The following SLC19A1 variants were observed in gnomAD, a reference collection of about 807,000 sequenced individuals.
SLC19A1 encodes reduced folate transporter.
Under a neutral mutation model 35.3 loss-of-function variants are expected in SLC19A1, and 37 were observed. The observed-to-expected ratio is 1.05, with a 90% CI of 0.81 to 1.38. The LOEUF (loss-of-function observed/expected upper bound fraction) is 1.38, where lower values mean the gene tolerates loss of function less well. Among genes scored for constraint, SLC19A1 ranks in the 40% most tolerant of loss-of-function variants. The pLI is 0.00. For synonymous variants in SLC19A1, 460 were observed against 398.5 expected, an observed-to-expected ratio of 1.15 and a Z score of -1.84; for missense variants, 831 against 826.9, an observed-to-expected ratio of 1.00 and a Z score of -0.06.
rs1474812655 is a variant in SLC19A1 at position 45,513,166 on chromosome 21, T to TG, written c.*2491dup. ...TGGGAGATTCAAGGGACCCATGAGT[T>TG]GGGGTCTGGCAGCCTCCCATCCAGG... On this transcript the variant is annotated 3_prime_UTR_variant, in exon 6 of 6. Coordinates refer to ENST00000311124, the MANE Select transcript of SLC19A1 (RefSeq NM_194255.4). 6.6e-6 allele frequency: 1 copy of TG among 152,320 alleles called. No individual in the cohort carries two copies. 9.4% of individuals were successfully genotyped at this position (152,320 alleles called of 1,614,324 possible). A position where few individuals can be genotyped will look rare whatever the true frequency, so the allele number is the denominator to read the frequency against.
At chr21:45,550,492 C>T (rs1450079533) in intron 1 of SLC19A1, among the ~76,000 whole-genome samples, 5 of 152,318 alleles carry the variant, frequency 3.3e-5, no homozygotes, top group South Asian at 4.1e-4. Flanking sequence ...CTTGACTACA[C>T]GGTCTTATTA....
At chr21:45,555,007 G>T (rs199580518) in intron 1 of SLC19A1, among the ~76,000 whole-genome samples, 391 of 151,116 alleles carry the variant, frequency 2.6e-3, no homozygotes, top group Non-Finnish European at 4.9e-3. Flanking sequence ...GCACGTCCAG[G>T]TTATGCGTGG....
In SLC19A1 at chr21:45,515,017, G is replaced by C; in HGVS notation, c.*641C>G. On this transcript the variant is annotated 3_prime_UTR_variant, in exon 6 of 6. Transcript: ENST00000311124. Reference sequence around the variant, plus strand: ...TCAGAAGGACAGACAGGACCATGGAGGGCTGCCCTTAGGGTGGGAGAGAGG... The same window carrying C: ...TCAGAAGGACAGACAGGACCATGGACGGCTGCCCTTAGGGTGGGAGAGAGG... The C allele has an allele frequency of 2.6e-6, 4 of 1,535,140 alleles. No homozygotes were observed. Among genetic ancestry groups the C allele is most frequent in the Non-Finnish European group, 3.5e-6 (4 of 1,142,646 alleles).
chr21:45,558,473 G>A (rs995915677), intron 1 of SLC19A1, among the ~76,000 whole-genome samples: 2 of 152,244 alleles, frequency 1.3e-5, no homozygotes, highest in Non-Finnish European at 2.9e-5. Flanking sequence ...GCTGGCCGGC[G>A]AGCCTTGGGG....
rs1477599002 is a variant in SLC19A1 at position 45,507,379 on chromosome 21, G to A, written c.498-8767C>T. ...ACCCTGCTGTGGACTGGGAGGGCCG[G>A]GTGCTGGGCAGGGAGCGTACCCTGG... On this transcript the variant is annotated intron_variant, in intron 3 of 4. Transcript: ENST00000417954. The A allele has an allele frequency of 7.5e-6, 5 of 664,976 alleles. No individual in the cohort carries two copies. In the Admixed American group the frequency reaches 8.9e-5, roughly 12 times the overall value. The allele number at this position is 664,976 out of a possible 1,614,324, so 41.2% of individuals were successfully genotyped here.
chr21:45,516,510 C>T (rs538858576), intron 5 of SLC19A1, among the ~76,000 whole-genome samples: 2 of 152,330 alleles, frequency 1.3e-5, no homozygotes, highest in African/African-American at 4.8e-5. Context: ...CAGAACGTCC[C>T]GCCTGGCAGA....
At chr21:45,541,897 T>TG (rs1449210574) in intron 1 of SLC19A1, 1 of 152,138 alleles carries the variant, frequency 6.6e-6, no homozygotes, top group Non-Finnish European at 1.5e-5. Flanking sequence ...GAGGGCAGGC[T>TG]GGGGGCCGGG....
chr21:45,507,622 G>C, downstream of SLC19A1: 1 of 1,610,038 alleles, frequency 6.2e-7, no homozygotes, highest in Non-Finnish European at 8.5e-7. Context: ...GTTGAGACTG[G>C]TGGGTGGTCA....
chr21:45,530,915 T>G lies in SLC19A1; in HGVS notation c.1006A>C (p.Lys336Gln), dbSNP rs1263976097. ...GCCGTGACGCCCGCGATGAGCAGCTTGGACCAGCGCGCCCAGCGGATCTTC... is the reference window on the plus strand; with the variant it reads ...GCCGTGACGCCCGCGATGAGCAGCTGGGACCAGCGCGCCCAGCGGATCTTC... ...FVKIRWARWS[K>Q]LLIAGVTATQ... is the part of the protein sequence containing the mutation. Residue 336 changes from lysine to glutamine, a missense_variant, in exon 4 of 6, where the codon AAG (lysine) becomes CAG (glutamine). Lys to Gln is a moderately conservative substitution (Grantham distance 53). Coordinates refer to ENST00000311124, the MANE Select transcript of SLC19A1 (RefSeq NM_194255.4). The surrounding 1 kb of genome is among the most constrained non-coding windows in gnomAD (Gnocchi z 5.3). 4 of 1,466,066 alleles carry G rather than the reference T, an allele frequency of 2.7e-6. No homozygotes were observed. Among genetic ancestry groups the G allele is most frequent in the Non-Finnish European group, 1.8e-6 (2 of 1,111,336 alleles). 90.8% of individuals were successfully genotyped at this position (1,466,066 alleles called of 1,614,324 possible).
At chr21:45,544,948 C>T (rs531545974), upstream of SLC19A1, among the ~76,000 whole-genome samples, 2 of 152,360 alleles carry the variant, frequency 1.3e-5, no homozygotes, top group South Asian at 4.1e-4. Context: ...TGGAGAGACG[C>T]AGGGCTGTCC....
chr21:45,559,724 G>A (rs763742766), intron 1 of SLC19A1, among the ~76,000 whole-genome samples: 22 of 152,160 alleles, frequency 1.4e-4, no homozygotes, highest in Non-Finnish European at 2.5e-4. Flanking sequence ...CAGAGCTTCC[G>A]TGTTCCTTAT....
chr21:45,556,237 A>C, intron 1 of SLC19A1, among the ~76,000 whole-genome samples: 1 of 152,306 alleles, frequency 6.6e-6, no homozygotes, highest in South Asian at 2.1e-4. Flanking sequence ...GGGAGACCTG[A>C]GACTCCTAAG....
chr21:45,511,080 C>CAG (rs758712533), downstream of SLC19A1: 6 of 1,063,006 alleles, frequency 5.6e-6, no homozygotes, highest in Admixed American at 1.2e-4. Context: ...CCCCACACAC[C>CAG]ACACACACAT....
chr21:45,509,381 C>G (rs1402785420), downstream of SLC19A1: 1 of 1,540,070 alleles, frequency 6.5e-7, no homozygotes, highest in East Asian at 2.4e-5. Flanking sequence ...GCCTTGCAGC[C>G]CCCCGTGGTG....
chr21:45,509,326 G>A (rs570228568), downstream of SLC19A1: 371 of 1,539,348 alleles, frequency 2.4e-4, no homozygotes, highest in Non-Finnish European at 2.8e-4. Context: ...GGGTCCCCCC[G>A]CCGACAGGCC....
downstream of SLC19A1, chr21:45,509,340 C>T (rs1050175772): frequency 1.6e-5 from 24 of 1,543,108 alleles, no homozygotes; most frequent in East Asian, 2.4e-5. Flanking sequence ...ACAGGCCCCA[C>T]GTCTCCCACC....
At position 45,550,629 on chromosome 21, in the gene SLC19A1, G is replaced by C. The variant is rs184339617; in HGVS notation, c.-50+12113C>G. ...TTCAGGATCACAGCAGCCCCGCCGG[G>C]AGGCTTGGCCTTGCAGGCCCCGGGC... is the stretch of plus-strand genomic sequence containing the variant. On this transcript the variant is annotated intron_variant, in intron 1 of 5. Coordinates refer to the SLC19A1 transcript ENST00000650808. Among the ~76,000 whole-genome samples, 278 of 152,360 alleles carry C rather than the reference G, an allele frequency of 1.8e-3. 3 individuals carry two copies. The highest frequency in any genetic ancestry group is 6.3e-3 in the African/African-American group (261 of 41,590).
intron 3 of SLC19A1, among the ~76,000 whole-genome samples, chr21:45,503,311 C>T (rs1019334623): frequency 6.6e-6 from 1 of 152,098 alleles, no homozygotes; most frequent in African/African-American, 2.4e-5. Context: ...TTGCATTTCT[C>T]TGATGGCCAG....
chr21:45,511,278 C>T (rs764190838), downstream of SLC19A1: 7 of 953,220 alleles, frequency 7.3e-6, no homozygotes, highest in Admixed American at 2.0e-5. Flanking sequence ...CCAGGGAAGG[C>T]GGGCGGGCGG....
Sources: allele counts gnomAD v4.1 joint callset (sites outside exome capture counted in the v4.1 genomes callset), GRCh38; gene constraint gnomAD v4.1.1; non-coding constraint Gnocchi (gnomAD v3.1); transcripts MANE v1.5; gene names NCBI Gene and HGNC (gene_info 2026-07-23, HGNC 2026-07-21).